The following DLG2 variants were observed in gnomAD, a reference collection of about 807,000 sequenced individuals.
DLG2 encodes discs large MAGUK scaffold protein 2.
A neutral mutation model predicts 132.5 loss-of-function variants in DLG2; 45 were observed. The ratio of observed to expected loss-of-function variants is 0.34; its 90% CI spans 0.27 to 0.44. The LOEUF is 0.44. Ranked by LOEUF, DLG2 falls within the 20% of genes least tolerant of loss-of-function variation. DLG2 has a pLI of 1.00. For missense variants in DLG2, 1,045 were observed against 1,196.9 expected (o/e 0.87, Z 1.87); for synonymous variants, 424 against 419.6 (o/e 1.01, Z -0.13).
At chr11:85,311,244 T>A (rs2152808489) in intron 3 of DLG2, among the ~76,000 whole-genome samples, 1 of 152,306 alleles carries the variant, frequency 6.6e-6, no homozygotes, top group Middle Eastern at 3.4e-3. Context: ...TTATCTAGCA[T>A]TTGATGATGA....
At chr11:85,360,999 T>C (rs1342582479) in intron 3 of DLG2, among the ~76,000 whole-genome samples, 1 of 152,190 alleles carries the variant, frequency 6.6e-6, no homozygotes, top group Non-Finnish European at 1.5e-5. Context: ...AGTATTTCAT[T>C]GTATTTTTAC....
At chr11:84,868,625 T>C (rs2154038531) in intron 6 of DLG2, among the ~76,000 whole-genome samples, 1 of 151,430 alleles carries the variant, frequency 6.6e-6, no homozygotes, top group South Asian at 2.1e-4. Flanking sequence ...GTGTAGATGT[T>C]GTAAACATCT....
intron 16 of DLG2, among the ~76,000 whole-genome samples, chr11:83,872,020 C>T (rs537503018): frequency 1.3e-5 from 2 of 152,034 alleles, no homozygotes; most frequent in Admixed American, 6.6e-5. Flanking sequence ...AATCCCAGCA[C>T]TTTGGGAGGC....
chr11:83,818,973 T>G (rs1039926486), intron 17 of DLG2, among the ~76,000 whole-genome samples: 18 of 152,166 alleles, frequency 1.2e-4, no homozygotes, highest in African/African-American at 4.1e-4. Flanking sequence ...TTTTGAGGCA[T>G]AAGTCCTGTC....
intron 7 of DLG2, among the ~76,000 whole-genome samples, chr11:84,350,132 T>G (rs925090855): frequency 4.1e-5 from 6 of 146,216 alleles, no homozygotes; most frequent in Non-Finnish European, 7.5e-5. Flanking sequence ...GAGCCGAGAT[T>G]GCGCCAAGGC....
intron 6 of DLG2, chr11:84,545,368 T>C (rs2099387595): frequency 1.9e-6 from 1 of 523,096 alleles, no homozygotes; most frequent in South Asian, 1.5e-5. Context: ...ATTATAGCCA[T>C]CCCACTGCCA....
chr11:84,068,542 CTT>C (rs143147131), intron 10 of DLG2, among the ~76,000 whole-genome samples: 110,481 of 152,016 alleles, frequency 0.73, 42,356 homozygotes, highest in Non-Finnish European at 0.86. Context: ...AGTTCCCAGA[CTT>C]AGCAAATAAA....
chr11:83,998,926 G>GC (rs1204035153), intron 11 of DLG2, among the ~76,000 whole-genome samples: 1 of 152,168 alleles, frequency 6.6e-6, no homozygotes, highest in African/African-American at 2.4e-5. Flanking sequence ...CCTGAACAAG[G>GC]CATGAACTAC....
intron 4 of DLG2, among the ~76,000 whole-genome samples, chr11:85,185,663 T>C (rs2080041434): frequency 6.6e-6 from 1 of 151,760 alleles, no homozygotes; most frequent in African/African-American, 2.4e-5. Flanking sequence ...TTCCACTGTC[T>C]ACCCATTTGA....
At chr11:84,064,285 G>A (rs2096637961) in intron 10 of DLG2, among the ~76,000 whole-genome samples, 6 of 152,094 alleles carry the variant, frequency 3.9e-5, no homozygotes, top group Admixed American at 3.9e-4. Flanking sequence ...GAAAGATAGC[G>A]AAGTTTTAAT....
At chr11:85,414,545 C>T (rs58620969) in intron 3 of DLG2, among the ~76,000 whole-genome samples, 2,222 of 151,934 alleles carry the variant, frequency 0.015, 42 homozygotes, top group African/African-American at 0.049. Context: ...AAGTTTCATG[C>T]GCTGTTGAAT....
chr11:84,847,052 C>T (rs1181269380), intron 6 of DLG2, among the ~76,000 whole-genome samples: 2 of 152,020 alleles, frequency 1.3e-5, no homozygotes, highest in Non-Finnish European at 2.9e-5. Flanking sequence ...GCTGAGCCTA[C>T]TTAACTCACA....
intron 7 of DLG2, among the ~76,000 whole-genome samples, chr11:84,328,783 G>C (rs911114651): frequency 6.6e-6 from 1 of 152,104 alleles, no homozygotes; most frequent in Non-Finnish European, 1.5e-5. Flanking sequence ...CTTTTCCTTA[G>C]AGACCTAACA....
chr11:84,714,555 C>T lies in DLG2; in HGVS notation c.358-179824G>A, dbSNP rs201119850. Among the ~76,000 whole-genome samples the T allele has an allele frequency of 1.3e-3, 111 of 83,180 alleles. 4 individuals carry two copies. Among genetic ancestry groups the T allele is most frequent in the Non-Finnish European group, 1.6e-3 (84 of 51,120 alleles). 54.6% of individuals were successfully genotyped at this position (83,180 alleles called of 152,430 possible). A position where few individuals can be genotyped will look rare whatever the true frequency, so the allele number is the denominator to read the frequency against. On this transcript the variant is annotated intron_variant, in intron 6 of 27. Transcript: ENST00000376104. ...TTTCTCTTTCTCTTTCTCTTTCTCT[C>T]TCTTTCTCTTTCTCTTTCTCTTTCT... is the stretch of plus-strand genomic sequence containing the variant.
intron 14 of DLG2, among the ~76,000 whole-genome samples, chr11:83,946,325 AAT>A (rs2083956913): frequency 6.6e-6 from 1 of 152,136 alleles, no homozygotes; most frequent in Non-Finnish European, 1.5e-5. Context: ...TCAAAGACAC[AAT>A]GAATTTAAGA....
intron 3 of DLG2, among the ~76,000 whole-genome samples, chr11:85,549,016 T>C (rs1187955549): frequency 6.6e-6 from 1 of 151,926 alleles, no homozygotes; most frequent in Non-Finnish European, 1.5e-5. Context: ...CTCAGTGGCG[T>C]TCTGAGCACC....
At chr11:84,920,097 G>A (rs990000837) in intron 6 of DLG2, among the ~76,000 whole-genome samples, 4 of 152,156 alleles carry the variant, frequency 2.6e-5, no homozygotes, top group Non-Finnish European at 4.4e-5. Flanking sequence ...TCTGTTGAAA[G>A]CTCTCCTTCT....
intron 9 of DLG2, among the ~76,000 whole-genome samples, chr11:84,134,042 T>A (rs940016200): frequency 1.3e-5 from 2 of 152,086 alleles, no homozygotes; most frequent in Non-Finnish European, 2.9e-5. Context: ...TTTCCTTTCT[T>A]CCTTCAGGTA....
intron 6 of DLG2, among the ~76,000 whole-genome samples, chr11:84,849,614 A>C (rs978581858): frequency 6.6e-6 from 1 of 152,012 alleles, no homozygotes. Context: ...TCTTAGCACA[A>C]CTGGTTCCTT....
Sources: allele counts gnomAD v4.1 joint callset (sites outside exome capture counted in the v4.1 genomes callset), GRCh38; gene constraint gnomAD v4.1.1; transcripts MANE v1.5; gene names NCBI Gene and HGNC (gene_info 2026-07-23, HGNC 2026-07-21).